Variants in ASAP1 observed in about 807,000 individuals in gnomAD.
The protein encoded by ASAP1 is ArfGAP with SH3 domain, ankyrin repeat and PH domain 1.
Under a neutral mutation model 145.2 loss-of-function variants are expected in ASAP1, and 43 were observed. The observed-to-expected ratio is 0.30, with a 90% confidence interval of 0.23 to 0.38. The LOEUF is 0.38. Among genes scored for constraint, ASAP1 ranks in the 10% least tolerant of loss-of-function variants. The pLI, the probability that ASAP1 is intolerant of heterozygous loss-of-function variation, is 1.00. For missense variants in ASAP1, 1,018 were observed against 1,355.3 expected (o/e 0.75, Z 3.91); for synonymous variants, 546 against 515.5 (o/e 1.06, Z -0.80).
chr8:130,350,067 C>T (rs1047309011), intron 3 of ASAP1, among the ~76,000 whole-genome samples: 1 of 152,232 alleles, frequency 6.6e-6, no homozygotes, highest in East Asian at 1.9e-4. Context: ...CCACAAATGG[C>T]TTCTAATGAA....
chr8:130,234,778 G>C (rs751939556), intron 4 of ASAP1, among the ~76,000 whole-genome samples: 48 of 152,248 alleles, frequency 3.2e-4, no homozygotes, highest in Non-Finnish European at 5.7e-4. Flanking sequence ...CACAAGCATA[G>C]AGCCTCAGGT....
At chr8:130,054,928 C>T (rs1592700676) in intron 29 of ASAP1, 123 bp from the exon 30 acceptor site, 2 of 749,864 alleles carry the variant, frequency 2.7e-6, no homozygotes, top group African/African-American at 3.4e-5. Context: ...CAGGCTTACC[C>T]TTCTTCCCAC....
chr8:130,346,783 A>AAGC (rs1327458306), intron 3 of ASAP1, among the ~76,000 whole-genome samples: 1 of 152,220 alleles, frequency 6.6e-6, no homozygotes, highest in East Asian at 1.9e-4. Flanking sequence ...ACTATTATTA[A>AAGC]AGCAGCAGCA....
intron 3 of ASAP1, among the ~76,000 whole-genome samples, chr8:130,268,884 A>G (rs1392064186): frequency 6.6e-6 from 1 of 152,176 alleles, no homozygotes; most frequent in African/African-American, 2.4e-5. Flanking sequence ...AATTTTGCCA[A>G]TGTTAGCTTA....
chr8:130,204,258 C>T (rs578010555), intron 5 of ASAP1, among the ~76,000 whole-genome samples: 1 of 152,286 alleles, frequency 6.6e-6, no homozygotes, highest in South Asian at 2.1e-4. Context: ...GTAATGTGCT[C>T]AAATCATCCC....
At chr8:130,200,871 T>A (rs541967526) in intron 5 of ASAP1, among the ~76,000 whole-genome samples, 313 of 152,326 alleles carry the variant, frequency 2.1e-3, no homozygotes, top group Non-Finnish European at 3.7e-3. Context: ...ATGTCATGTA[T>A]AAAAGTAAAA....
chr8:130,387,404 C>G (rs555402926), intron 2 of ASAP1, among the ~76,000 whole-genome samples: 2 of 152,146 alleles, frequency 1.3e-5, no homozygotes, highest in East Asian at 3.9e-4. Flanking sequence ...AGCATGGTGG[C>G]GCTCGCCTGT....
At chr8:130,372,683 T>C (rs1426635839) in intron 2 of ASAP1, among the ~76,000 whole-genome samples, 1 of 152,236 alleles carries the variant, frequency 6.6e-6, no homozygotes, top group Non-Finnish European at 1.5e-5. Flanking sequence ...TTGATATATC[T>C]AATTTTGTAT....
intron 1 of ASAP1, among the ~76,000 whole-genome samples, chr8:130,423,618 C>T (rs1471694953): frequency 6.6e-6 from 1 of 152,100 alleles, no homozygotes; most frequent in Non-Finnish European, 1.5e-5. Context: ...TATATTTATT[C>T]AACATGGAAG....
At position 130,100,186 on chromosome 8, in the gene ASAP1, G is replaced by A. The variant is rs192923470; in HGVS notation, c.2402-8043C>T. Among the ~76,000 whole-genome samples the A allele has an allele frequency of 4.6e-5, 7 of 152,116 alleles. No homozygotes were observed. The East Asian group carries it at 1.4e-3, about 29-fold the overall frequency. On this transcript the variant is annotated intron_variant, in intron 24 of 29. Coordinates refer to ENST00000518721, the MANE Select transcript of ASAP1 (RefSeq NM_018482.4). ...TCCTCATCAGGATTTGTTATTTCTT[G>A]TCTTTTTGATGATAGCCATTTTAAC...
chr8:130,288,901 C>A (rs1821778852), intron 3 of ASAP1, among the ~76,000 whole-genome samples: 1 of 152,196 alleles, frequency 6.6e-6, no homozygotes, highest in Admixed American at 6.5e-5. Flanking sequence ...ATTATACTTA[C>A]CAAGGCTGGG....
intron 3 of ASAP1, among the ~76,000 whole-genome samples, chr8:130,312,540 G>C (rs190288800): frequency 1.2e-3 from 184 of 152,256 alleles, no homozygotes; most frequent in Non-Finnish European, 1.5e-3. Flanking sequence ...TTTTGATAGT[G>C]AATGTCCTCT....
chr8:130,153,335 A>G (rs1028655538), intron 12 of ASAP1, among the ~76,000 whole-genome samples: 110 of 65,294 alleles, frequency 1.7e-3, no homozygotes, highest in African/African-American at 7.1e-3. Context: ...CTTTTTAAAT[A>G]TATATATATA....
chr8:130,193,720 G>T (rs1565074595), intron 5 of ASAP1, among the ~76,000 whole-genome samples: 1 of 152,096 alleles, frequency 6.6e-6, no homozygotes, highest in Non-Finnish European at 1.5e-5. Context: ...TTAGTACCTT[G>T]ATCTGAAAGG....
intron 11 of ASAP1, chr8:130,163,103 C>A: frequency 1.2e-5 from 2 of 167,432 alleles, no homozygotes; most frequent in East Asian, 1.4e-4. Flanking sequence ...CGCCTTTCCT[C>A]TATCAGAGAA....
chr8:130,159,041 A>G (rs1462837332), intron 12 of ASAP1, among the ~76,000 whole-genome samples: 3 of 151,796 alleles, frequency 2.0e-5, no homozygotes, highest in African/African-American at 7.3e-5. Context: ...GTGCTTTATG[A>G]TTTTTAAAAG....
intron 29 of ASAP1, among the ~76,000 whole-genome samples, chr8:130,057,334 G>A (rs982994175): frequency 2.0e-5 from 3 of 152,146 alleles, no homozygotes; most frequent in African/African-American, 7.2e-5. Flanking sequence ...ACTTTCTTCC[G>A]CTTTAGTATT....
At chr8:130,345,931 C>T (rs1565230024) in intron 3 of ASAP1, among the ~76,000 whole-genome samples, 1 of 152,236 alleles carries the variant, frequency 6.6e-6, no homozygotes, top group Non-Finnish European at 1.5e-5. Flanking sequence ...TTCAGGTCTG[C>T]TAAGCATCTG....
At chr8:130,147,697 G>A (rs1056057058) in intron 13 of ASAP1, among the ~76,000 whole-genome samples, 3 of 152,164 alleles carry the variant, frequency 2.0e-5, no homozygotes, top group African/African-American at 7.2e-5. Context: ...TCCTGAATGG[G>A]CATTTACTGC....
Sources: gnomAD v4.1 joint callset for allele counts (sites outside exome capture counted in the v4.1 genomes callset) on GRCh38, gnomAD v4.1.1 for gene constraint, MANE v1.5 for transcripts, NCBI Gene and HGNC (gene_info 2026-07-23, HGNC 2026-07-21) for gene names.